The following TRABD2B variants were observed in gnomAD, a reference collection of about 807,000 sequenced individuals.
TRABD2B encodes TraB domain containing 2B.
In TRABD2B, 14 loss-of-function variants were observed where a neutral mutation model predicts 40.1. The ratio of observed to expected loss-of-function variants is 0.35; its 90% CI spans 0.23 to 0.55. The LOEUF is 0.55. TRABD2B is among the 20% of genes least tolerant of loss of function. The pLI is 0.90. For missense variants in TRABD2B, 541 were observed against 648.6 expected, an observed-to-expected ratio of 0.83 and a Z score of 1.80; for synonymous variants, 263 against 277.0, an observed-to-expected ratio of 0.95 and a Z score of 0.50.
At chr1:47,968,095 C>A (rs1461213997) in intron 2 of TRABD2B, among the ~76,000 whole-genome samples, 1 of 152,200 alleles carries the variant, frequency 6.6e-6, no homozygotes, top group Non-Finnish European at 1.5e-5. Flanking sequence ...GCCATGGTAA[C>A]TGGAACTAGG....
intron 2 of TRABD2B, among the ~76,000 whole-genome samples, chr1:47,890,568 TG>T (rs951417323): frequency 2.6e-5 from 4 of 152,066 alleles, no homozygotes; most frequent in East Asian, 3.9e-4. Flanking sequence ...TTCCTACTGC[TG>T]GGGGGGCCCA....
intron 2 of TRABD2B, among the ~76,000 whole-genome samples, chr1:47,806,481 C>G (rs1377845925): frequency 6.6e-6 from 1 of 152,184 alleles, no homozygotes; most frequent in East Asian, 1.9e-4. Flanking sequence ...CGGTGGCCCA[C>G]TCTAGGATAA....
intron 2 of TRABD2B, among the ~76,000 whole-genome samples, chr1:47,976,602 G>A (rs983824352): frequency 1.3e-5 from 2 of 152,198 alleles, no homozygotes; most frequent in African/African-American, 4.8e-5. Flanking sequence ...TTGATGACAG[G>A]TGCTATGGTA....
chr1:47,950,961 G>T (rs1645334071), intron 2 of TRABD2B, among the ~76,000 whole-genome samples: 2 of 152,338 alleles, frequency 1.3e-5, no homozygotes, highest in South Asian at 4.1e-4. Flanking sequence ...AGAGAAGAGG[G>T]TTTCATTTCC....
intron 2 of TRABD2B, among the ~76,000 whole-genome samples, chr1:47,933,265 C>T (rs1341513883): frequency 2.6e-5 from 4 of 152,014 alleles, no homozygotes; most frequent in Admixed American, 6.5e-5. Flanking sequence ...GCCACCACGC[C>T]TGGCTAATTT....
At chr1:47,983,289 AGG>A (rs1245474305) in intron 2 of TRABD2B, among the ~76,000 whole-genome samples, 2 of 152,212 alleles carry the variant, frequency 1.3e-5, no homozygotes, top group Non-Finnish European at 2.9e-5. Context: ...ACAAGAACTC[AGG>A]AACACAAAGA....
intron 2 of TRABD2B, among the ~76,000 whole-genome samples, chr1:47,958,089 A>G (rs1475318117): frequency 2.6e-5 from 4 of 152,030 alleles, no homozygotes; most frequent in African/African-American, 9.7e-5. Context: ...TCAACCCAGA[A>G]TTTCATATCC....
At chr1:47,948,214 G>A (rs1645286849) in intron 2 of TRABD2B, among the ~76,000 whole-genome samples, 2 of 152,192 alleles carry the variant, frequency 1.3e-5, no homozygotes, top group East Asian at 1.9e-4. Flanking sequence ...GGGCATGTAG[G>A]CAAAGGTGCT....
intron 2 of TRABD2B, among the ~76,000 whole-genome samples, chr1:47,886,210 C>T (rs538032853): frequency 5.8e-4 from 88 of 152,298 alleles, no homozygotes; most frequent in African/African-American, 2.0e-3. Flanking sequence ...AACCCACCTC[C>T]TCCAGGGAGC....
At chr1:47,912,009 A>G (rs1343715975) in intron 2 of TRABD2B, among the ~76,000 whole-genome samples, 4 of 152,222 alleles carry the variant, frequency 2.6e-5, no homozygotes, top group Middle Eastern at 3.2e-3. Flanking sequence ...AGGCTTCATC[A>G]TCAAAGCAGT....
chr1:47,827,658 C>T (rs921890446), intron 2 of TRABD2B, among the ~76,000 whole-genome samples: 2 of 152,206 alleles, frequency 1.3e-5, no homozygotes, highest in African/African-American at 4.8e-5. Context: ...TGTCACTGCT[C>T]TGAGAATGGG....
At chr1:47,848,697 G>A (rs866747710) in intron 2 of TRABD2B, among the ~76,000 whole-genome samples, 2 of 152,192 alleles carry the variant, frequency 1.3e-5, no homozygotes, top group South Asian at 2.1e-4. Context: ...GGAAGGGCAG[G>A]GAAAGTTTGT....
At chr1:47,949,868 A>G (rs565618590) in intron 2 of TRABD2B, among the ~76,000 whole-genome samples, 72 of 152,348 alleles carry the variant, frequency 4.7e-4, no homozygotes, top group African/African-American at 1.6e-3. Flanking sequence ...AAAAATAAAC[A>G]TATTTACCAA....
At chr1:47,882,041 G>A (rs1644311189) in intron 2 of TRABD2B, among the ~76,000 whole-genome samples, 1 of 152,204 alleles carries the variant, frequency 6.6e-6, no homozygotes, top group South Asian at 2.1e-4. Flanking sequence ...TGTGCCTTCT[G>A]CCCTCAGAAG....
At chr1:47,932,551 G>C (rs1645053457) in intron 2 of TRABD2B, among the ~76,000 whole-genome samples, 1 of 152,288 alleles carries the variant, frequency 6.6e-6, no homozygotes, top group African/African-American at 2.4e-5. Flanking sequence ...TCTCCTGAGT[G>C]ATCAGGAGAG....
intron 2 of TRABD2B, among the ~76,000 whole-genome samples, chr1:47,946,747 T>C (rs2148373234): frequency 6.6e-6 from 1 of 152,338 alleles, no homozygotes; most frequent in African/African-American, 2.4e-5. Flanking sequence ...CCTGGCCTTA[T>C]AAAGCTGGGA....
chr1:47,968,378 C>T (rs1645633682), intron 2 of TRABD2B, among the ~76,000 whole-genome samples: 1 of 152,204 alleles, frequency 6.6e-6, no homozygotes, highest in Non-Finnish European at 1.5e-5. Context: ...ACTCAAGTCC[C>T]CAAACCAGCT....
Position 47,813,009 on chromosome 1 carries a change from C to G in TRABD2B, c.667-11390G>C, listed in dbSNP as rs914161823. Among the ~76,000 whole-genome samples, 7 of 152,196 alleles carry G rather than the reference C, an allele frequency of 4.6e-5. No individual in the cohort carries two copies. The highest frequency in any genetic ancestry group is 1.7e-4 in the African/African-American group (7 of 41,464). On this transcript the variant is annotated intron_variant, in intron 2 of 6. Transcript: ENST00000606738. The surrounding 1 kb of genome is among the most constrained non-coding windows in gnomAD (Gnocchi z 4.3). ...GATAATGGTCTACACGGGAGGCGAT[C>G]AGTCAGCGGTAGCCGTGGTTACCAT...
intron 2 of TRABD2B, among the ~76,000 whole-genome samples, chr1:47,918,981 A>G (rs556127278): frequency 6.6e-6 from 1 of 152,330 alleles, no homozygotes; most frequent in African/African-American, 2.4e-5. Flanking sequence ...TCATTCTTAC[A>G]GGCCCTGTTG....
Sources: allele counts gnomAD v4.1 joint callset (sites outside exome capture counted in the v4.1 genomes callset), GRCh38; gene constraint gnomAD v4.1.1; non-coding constraint Gnocchi (gnomAD v3.1); transcripts MANE v1.5; gene names NCBI Gene and HGNC (gene_info 2026-07-23, HGNC 2026-07-21).